Variants in SNX13 observed in about 807,000 individuals in gnomAD.
The protein encoded by SNX13 is sorting nexin-13.
SNX13 carries 45 observed loss-of-function variants against 133.6 expected under a neutral mutation model. The ratio of observed to expected loss-of-function variants is 0.34; its 90% CI spans 0.27 to 0.43. SNX13 has a LOEUF of 0.43. SNX13 is among the 20% of genes least tolerant of loss of function. SNX13 has a pLI of 1.00. For synonymous variants in SNX13, 414 were observed against 373.9 expected, an observed-to-expected ratio of 1.11 and a Z score of -1.24; for missense variants, 1,032 against 1,145.1, an observed-to-expected ratio of 0.90 and a Z score of 1.43.
chr7:17,851,078 C>G, intron 9 of SNX13, 114 bp from the exon 10 acceptor site: 1 of 1,086,384 alleles, frequency 9.2e-7, no homozygotes, highest in Non-Finnish European at 1.3e-6. Context: ...TCAGTGCTTA[C>G]AACAAAAAGA....
chr7:17,800,069 C>T (rs1784452957), intron 22 of SNX13, among the ~76,000 whole-genome samples: 2 of 151,730 alleles, frequency 1.3e-5, no homozygotes, highest in South Asian at 4.1e-4. Context: ...GAGAGGGAGA[C>T]CCATTTCATT....
chr7:17,810,324 G>T (rs1785861080), intron 20 of SNX13, among the ~76,000 whole-genome samples: 1 of 152,106 alleles, frequency 6.6e-6, no homozygotes, highest in Non-Finnish European at 1.5e-5. Context: ...ACTACCATCA[G>T]AGAACACTAT....
At chr7:17,834,656 TTTAATACCACTCTAC>T in intron 14 of SNX13, 90 bp downstream of exon 14, 1 of 641,440 alleles carries the variant, frequency 1.6e-6, no homozygotes, top group Non-Finnish European at 2.5e-6. Context: ...AGTTTATCTT[TTTAATACCACTCTAC>T]TTTTAGAAAG....
chr7:17,882,978 C>A, intron 5 of SNX13: 1 of 366,334 alleles, frequency 2.7e-6, no homozygotes, highest in Non-Finnish European at 4.8e-6. Flanking sequence ...CAAAAACAAA[C>A]AGGGTTCTTA....
Position 17,805,211 on chromosome 7 carries a change from TTGTGTGTGTG to T in SNX13, c.2065-1641_2065-1632del, listed in dbSNP as rs55946438. On this transcript the variant is annotated intron_variant, in intron 20 of 25. Transcript: ENST00000428135. ...AGTCTCACGTTTGGCTAATGATTCT[TTGTGTGTGTG>T]TGTGTGTGTGTGTGTGTGTGTGTGT... Among the ~76,000 whole-genome samples, 18 of 118,522 alleles carry T rather than the reference TTGTGTGTGTG, an allele frequency of 1.5e-4. 1 individual carries two copies. The highest frequency in any genetic ancestry group is 5.8e-4 in the South Asian group (2 of 3,428). The allele number at this position is 118,522 out of a possible 152,430, so 77.8% of individuals were successfully genotyped here.
chr7:17,794,454 T>C, intron 25 of SNX13, 162 bp from the exon 26 acceptor site: 1 of 795,222 alleles, frequency 1.3e-6, no homozygotes. Flanking sequence ...TTAATATGCA[T>C]CTTTGCATGC....
intron 9 of SNX13, among the ~76,000 whole-genome samples, chr7:17,864,770 A>T (rs1793162983): frequency 6.6e-6 from 1 of 151,474 alleles, no homozygotes; most frequent in South Asian, 2.1e-4. Context: ...AAAGAAGGAA[A>T]AGAAGGAGAA....
At chr7:17,809,415 G>A (rs1322169243) in intron 20 of SNX13, among the ~76,000 whole-genome samples, 1 of 151,518 alleles carries the variant, frequency 6.6e-6, no homozygotes, top group Admixed American at 6.6e-5. Context: ...AGGGATCAAT[G>A]CAACAAGAGC....
intron 23 of SNX13, 105 bp downstream of exon 23, chr7:17,798,904 C>T (rs1412319749): frequency 2.2e-6 from 3 of 1,367,168 alleles, no homozygotes. Context: ...CTTAAAAGGC[C>T]CAGAGAAAAA....
At chr7:17,798,649 T>G (rs1181861255) in intron 24 of SNX13, 41 bp downstream of exon 24, 1 of 1,423,134 alleles carries the variant, frequency 7.0e-7, no homozygotes, top group African/African-American at 1.4e-5. Flanking sequence ...AATGCTAAAC[T>G]CTGTACTACC....
chr7:17,803,504 A>G lies in SNX13; in HGVS notation c.2141T>C (p.Leu714Ser). ...SNAVKSLPDS[L>S]AEGMTKMSDN... is the part of the protein sequence containing the mutation. ...TGACATTTTAGTCATTCCCTCTGCCAAGCTATCAGGAAGGGATTTAACTGC... is the reference window on the plus strand; with the variant it reads ...TGACATTTTAGTCATTCCCTCTGCCGAGCTATCAGGAAGGGATTTAACTGC... The change falls in exon 21 of 26, where the codon TTG becomes TCG. Residue 714 changes from leucine to serine, a missense_variant. Coordinates refer to ENST00000428135, the MANE Select transcript of SNX13 (RefSeq NM_015132.5). 1 of 1,612,640 alleles carries G rather than the reference A, an allele frequency of 6.2e-7. No individual in the cohort carries two copies. Among genetic ancestry groups the G allele is most frequent in the Non-Finnish European group, 8.5e-7 (1 of 1,179,286 alleles).
Position 17,793,287 on chromosome 7 carries a change from C to G in SNX13, c.*758G>C, listed in dbSNP as rs942442622. 9 of 152,284 alleles carry G rather than the reference C, an allele frequency of 5.9e-5. No individual in the cohort carries two copies. The highest frequency in any genetic ancestry group is 2.2e-4 in the African/African-American group (9 of 41,482). 9.4% of individuals were successfully genotyped at this position (152,284 alleles called of 1,614,324 possible). On this transcript the variant is annotated 3_prime_UTR_variant, in exon 26 of 26. Transcript: ENST00000428135. ...ATTTTGAAATTTAAATGAGAGCCAC[C>G]ACATGCTTCTTTTTGCACAAAGAAT...
At chr7:17,887,487 T>C (rs761589721) in intron 5 of SNX13, among the ~76,000 whole-genome samples, 2 of 152,168 alleles carry the variant, frequency 1.3e-5, no homozygotes, top group Non-Finnish European at 2.9e-5. Context: ...GAATAACAAG[T>C]ACTAATACTA....
At chr7:17,826,392 T>C (rs967817683) in intron 16 of SNX13, among the ~76,000 whole-genome samples, 2 of 152,032 alleles carry the variant, frequency 1.3e-5, no homozygotes, top group African/African-American at 4.8e-5. Flanking sequence ...ATGATCCTTA[T>C]ATGGCAAGAA....
chr7:17,831,359 A>C (rs1788465299), intron 15 of SNX13: 2 of 842,074 alleles, frequency 2.4e-6, no homozygotes, highest in Non-Finnish European at 2.9e-6. Flanking sequence ...AAAGCCTATG[A>C]GACTGTTTTA....
At chr7:17,804,089 C>CAT (rs1460831659) in intron 20 of SNX13, among the ~76,000 whole-genome samples, 2 of 151,924 alleles carry the variant, frequency 1.3e-5, no homozygotes, top group Admixed American at 6.6e-5. Flanking sequence ...TTTTCACATA[C>CAT]ATATATATGA....
intron 15 of SNX13, chr7:17,830,473 T>C (rs568124381): frequency 2.0e-6 from 2 of 984,162 alleles, no homozygotes. Context: ...AATCAGTCTG[T>C]ACTGTGAGGG....
intron 12 of SNX13, among the ~76,000 whole-genome samples, chr7:17,841,586 A>ACG (rs1554321924): frequency 9.3e-5 from 14 of 151,148 alleles, no homozygotes; most frequent in African/African-American, 3.4e-4. Context: ...ACACACACGC[A>ACG]CACACACCCC....
At chr7:17,841,481 C>T (rs1193571171) in intron 12 of SNX13, among the ~76,000 whole-genome samples, 2 of 151,426 alleles carry the variant, frequency 1.3e-5, no homozygotes, top group African/African-American at 4.9e-5. Context: ...CAATAAAGAA[C>T]AGCAAACCCT....
Sources: allele counts gnomAD v4.1 joint callset (sites outside exome capture counted in the v4.1 genomes callset), GRCh38; gene constraint gnomAD v4.1.1; transcripts MANE v1.5; gene names NCBI Gene and HGNC (gene_info 2026-07-23, HGNC 2026-07-21).